Variants in FNBP1 observed in about 807,000 individuals in gnomAD.
The protein encoded by FNBP1 is formin binding protein 1.
A neutral mutation model predicts 90.6 loss-of-function variants in FNBP1; 26 were observed. The observed-to-expected ratio is 0.29, with a 90% CI of 0.21 to 0.40. The LOEUF (loss-of-function observed/expected upper bound fraction) is 0.40, where lower values mean the gene tolerates loss of function less well. Among genes scored for constraint, FNBP1 ranks in the 10% least tolerant of loss-of-function variants. The pLI, the probability that FNBP1 is intolerant of heterozygous loss-of-function variation, is 1.00. For synonymous variants in FNBP1, 260 were observed against 265.2 expected (o/e 0.98, Z 0.19); for missense variants, 635 against 768.0 (o/e 0.83, Z 2.05).
chr9:129,893,717 C>T (rs2035363311), intron 16 of FNBP1, among the ~76,000 whole-genome samples: 1 of 148,272 alleles, frequency 6.7e-6, no homozygotes, highest in African/African-American at 2.5e-5. Context: ...GAGATCAAGA[C>T]CATTCTGGCT....
chr9:129,896,043 G>T, intron 15 of FNBP1, 47 bp from the exon 16 acceptor site: 2 of 1,541,548 alleles, frequency 1.3e-6, no homozygotes. Context: ...GCAAATGCAG[G>T]GAGGAAGCAA....
intron 1 of FNBP1, among the ~76,000 whole-genome samples, chr9:130,001,831 C>T (rs2131456448): frequency 6.6e-6 from 1 of 152,068 alleles, no homozygotes; most frequent in Middle Eastern, 3.4e-3. Context: ...CAAGGCCAGC[C>T]TGGCCAACAT....
chr9:130,002,646 C>T (rs1334095307), intron 1 of FNBP1, among the ~76,000 whole-genome samples: 4 of 152,196 alleles, frequency 2.6e-5, no homozygotes, highest in African/African-American at 9.6e-5. Flanking sequence ...TTCCAGACAT[C>T]AGAATTATAA....
chr9:130,037,656 G>A (rs1417502020), intron 1 of FNBP1, among the ~76,000 whole-genome samples: 2 of 152,126 alleles, frequency 1.3e-5, no homozygotes, highest in Non-Finnish European at 2.9e-5. Flanking sequence ...AAGGTACTTA[G>A]ACTGTGTGTA....
At chr9:129,927,531 T>C (rs2042093105) in intron 7 of FNBP1, among the ~76,000 whole-genome samples, 190 bp from the exon 8 acceptor site, 1 of 152,204 alleles carries the variant, frequency 6.6e-6, no homozygotes, top group Non-Finnish European at 1.5e-5. Flanking sequence ...CTAGACATGT[T>C]AGGCTGCCCA....
Position 129,929,584 on chromosome 9 carries a change from T to C in FNBP1, c.625A>G (p.Ile209Val). The C allele has an allele frequency of 6.2e-7, 1 of 1,613,786 alleles. No homozygotes were observed. The highest frequency in any genetic ancestry group is 8.5e-7 in the Non-Finnish European group (1 of 1,179,726). The change falls in exon 7 of 17, where the codon ATC (isoleucine) becomes GTC (valine). Residue 209 changes from isoleucine to valine, a missense_variant. Transcript: ENST00000446176. ...HEQHEYYHTH[I>V]PNIFQKIQEM... The stretch of plus-strand genomic sequence containing the variant: ...GGACTTACCTGGAAGATGTTGGGGA[T>C]GTGAGTATGGTAATATTCATGCTGC...
intron 7 of FNBP1, 132 bp from the exon 8 acceptor site, chr9:129,927,473 T>A: frequency 2.7e-6 from 2 of 749,166 alleles, no homozygotes; most frequent in Non-Finnish European, 4.4e-6. Flanking sequence ...CGGCTCTAAG[T>A]ACACGGAGCC....
At chr9:129,928,344 G>A (rs2042219237) in intron 7 of FNBP1, among the ~76,000 whole-genome samples, 1 of 152,220 alleles carries the variant, frequency 6.6e-6, no homozygotes, top group African/African-American at 2.4e-5. Context: ...AGCAAAGACA[G>A]CATTAATCAC....
intron 1 of FNBP1, among the ~76,000 whole-genome samples, chr9:130,004,207 G>A (rs1037680588): frequency 6.6e-6 from 1 of 151,676 alleles, no homozygotes; most frequent in Admixed American, 6.6e-5. Flanking sequence ...ATGTTGCAGT[G>A]AGCCAAGATC....
At chr9:130,003,499 C>T (rs1589198354) in intron 1 of FNBP1, among the ~76,000 whole-genome samples, 1 of 151,898 alleles carries the variant, frequency 6.6e-6, no homozygotes, top group Non-Finnish European at 1.5e-5. Flanking sequence ...CCCAGCTACT[C>T]GGGAGGCTGA....
intron 11 of FNBP1, 134 bp downstream of exon 11, chr9:129,915,832 C>T: frequency 1.6e-6 from 1 of 641,724 alleles, no homozygotes; most frequent in East Asian, 2.8e-5. Context: ...TAAGGAAACA[C>T]CAACAAAAGC....
chr9:130,031,013 C>T lies in FNBP1; in HGVS notation c.24+11939G>A, dbSNP rs763853714. Among the ~76,000 whole-genome samples the T allele has an allele frequency of 6.6e-6, 1 of 152,114 alleles. No homozygotes were observed. The highest frequency in any genetic ancestry group is 1.5e-5 in the Non-Finnish European group (1 of 68,030). ...GCCTATATTTGATTTACCCCACAAGCCAGAGCAGGGAACATGCCTCCCCCT... is the reference window on the plus strand; with the variant it reads ...GCCTATATTTGATTTACCCCACAAGTCAGAGCAGGGAACATGCCTCCCCCT... On this transcript the variant is annotated intron_variant, in intron 1 of 16. Transcript: ENST00000446176. This position sits in a 1 kb window ranked among gnomAD's most constrained non-coding sequence, Gnocchi z 4.2.
chr9:129,952,337 A>C (rs112187791), intron 6 of FNBP1, among the ~76,000 whole-genome samples: 1,912 of 152,000 alleles, frequency 0.013, 18 homozygotes, highest in Middle Eastern at 0.024. Context: ...CGTCTCTACT[A>C]AAAACATGAA....
intron 8 of FNBP1, among the ~76,000 whole-genome samples, chr9:129,925,776 T>G (rs931860973): frequency 6.6e-6 from 1 of 150,454 alleles, no homozygotes; most frequent in Non-Finnish European, 1.5e-5. Context: ...GTATTTTTAG[T>G]AGAGATGGGG....
intron 4 of FNBP1, among the ~76,000 whole-genome samples, chr9:129,961,142 G>A (rs754474106): frequency 6.6e-6 from 1 of 151,886 alleles, no homozygotes; most frequent in East Asian, 1.9e-4. Flanking sequence ...GTGAAACCCC[G>A]TCTCTACTAA....
intron 1 of FNBP1, among the ~76,000 whole-genome samples, chr9:130,003,086 G>A (rs2055101512): frequency 6.6e-6 from 1 of 151,894 alleles, no homozygotes; most frequent in African/African-American, 2.4e-5. Flanking sequence ...AATAAGCATG[G>A]GCTATGGCAT....
chr9:129,951,440 A>ATTTG (rs71385492), intron 6 of FNBP1, among the ~76,000 whole-genome samples: 29,982 of 148,728 alleles, frequency 0.2, 3,170 homozygotes, highest in Non-Finnish European at 0.22. Flanking sequence ...TTATTTATTT[A>ATTTG]TTTGTTTGTT....
At chr9:129,962,244 C>G (rs796386787) in intron 4 of FNBP1, among the ~76,000 whole-genome samples, 24 of 152,336 alleles carry the variant, frequency 1.6e-4, no homozygotes, top group African/African-American at 5.5e-4. Context: ...GGGGCAACAT[C>G]AGCTCCCCAC....
chr9:129,895,795 T>G, intron 16 of FNBP1, 43 bp downstream of exon 16: 1 of 1,494,450 alleles, frequency 6.7e-7, no homozygotes, highest in Non-Finnish European at 8.9e-7. Flanking sequence ...TCCATTTTTT[T>G]TAAGTTTTTT....
Sources: gnomAD v4.1 joint callset for allele counts (sites outside exome capture counted in the v4.1 genomes callset) on GRCh38, gnomAD v4.1.1 for gene constraint, Gnocchi (gnomAD v3.1) non-coding constraint, MANE v1.5 for transcripts, NCBI Gene and HGNC (gene_info 2026-07-23, HGNC 2026-07-21) for gene names.